TSG101: variants seen among roughly 807,000 people sequenced by gnomAD.
TSG101 encodes the protein tumor susceptibility 101.
In TSG101, 19 loss-of-function variants were observed where a neutral mutation model predicts 48.5. The ratio of observed to expected loss-of-function variants is 0.39; its 90% CI spans 0.27 to 0.58. The LOEUF is 0.58. Ranked by LOEUF, TSG101 falls within the 20% of genes least tolerant of loss-of-function variation. The pLI is 0.55. For missense variants in TSG101, 365 were observed against 484.4 expected (o/e 0.75, Z 2.31); for synonymous variants, 174 against 169.4 (o/e 1.03, Z -0.21).
At chr11:18,483,760 TATA>T (rs1849580639) in intron 8 of TSG101, 107 bp downstream of exon 8, 2 of 1,111,522 alleles carry the variant, frequency 1.8e-6, no homozygotes, top group Non-Finnish European at 2.6e-6. Context: ...TAAAGATGCC[TATA>T]ATTTTCTGAA....
intron 1 of TSG101, among the ~76,000 whole-genome samples, chr11:18,526,199 C>A (rs1850369983): frequency 6.6e-6 from 1 of 151,016 alleles, no homozygotes; most frequent in Non-Finnish European, 1.5e-5. Flanking sequence ...CAAATAAATA[C>A]GCGTTATAAG....
chr11:18,526,687 G>T, intron 1 of TSG101, 88 bp downstream of exon 1: 1 of 1,502,328 alleles, frequency 6.7e-7, no homozygotes, highest in Non-Finnish European at 9.0e-7. Context: ...CGTCTGGGAA[G>T]CTTGCTTGGC....
Position 18,480,616 on chromosome 11 carries a change from CG to C in TSG101, c.1102del (p.Arg368ValfsTer6). On this transcript the variant is annotated frameshift_variant, in exon 10 of 10. Transcript: ENST00000251968. LOFTEE classifies it high-confidence loss of function. The part of the protein sequence containing the change: ...VFLKHVRLLS[R>X]KQFQLRALMQ... ...TAGTGCCCTCAGCTGGAACTGTTTA[CG>C]GGACAGAAGACGTACATGCTGGGAG... 1 of 1,613,686 alleles carries C rather than the reference CG, an allele frequency of 6.2e-7. No individual in the cohort carries two copies. The highest frequency in any genetic ancestry group is 8.5e-7 in the Non-Finnish European group (1 of 1,179,828).
At chr11:18,513,466 T>C (rs921363702) in intron 4 of TSG101, among the ~76,000 whole-genome samples, 2 of 151,966 alleles carry the variant, frequency 1.3e-5, no homozygotes, top group South Asian at 4.1e-4. Context: ...AAGGTTTTTT[T>C]AAAATATTTT....
At chr11:18,519,802 C>G (rs1002973367) in intron 1 of TSG101, among the ~76,000 whole-genome samples, 199 bp from the exon 2 acceptor site, 1 of 152,156 alleles carries the variant, frequency 6.6e-6, no homozygotes, top group African/African-American at 2.4e-5. Context: ...AGTCTCAAGT[C>G]ATGTTTTTTA....
At position 18,526,833 on chromosome 11, in the gene TSG101, C is replaced by T; in HGVS notation, c.-17G>A. 1.3e-6 allele frequency: 2 copies of T among 1,599,540 alleles called. No individual in the cohort carries two copies. Among genetic ancestry groups the T allele is most frequent in the Non-Finnish European group, 1.7e-6 (2 of 1,178,458 alleles). ...CACCGCCATGACGGCCGCCTGGCGA[C>T]TCCCTTCCCCGCAGGCAGAGGGTCA... is the stretch of plus-strand genomic sequence containing the variant. On this transcript the variant is annotated 5_prime_UTR_variant, in exon 1 of 10. Coordinates refer to ENST00000251968, the MANE Select transcript of TSG101 (RefSeq NM_006292.4).
At chr11:18,504,653 T>C (rs1310274332) in intron 6 of TSG101, among the ~76,000 whole-genome samples, 2 of 152,210 alleles carry the variant, frequency 1.3e-5, no homozygotes, top group Admixed American at 6.5e-5. Context: ...TGTGATCACA[T>C]TGCTGAATTT....
chr11:18,513,208 G>A (rs931568760), intron 4 of TSG101, among the ~76,000 whole-genome samples: 7 of 151,836 alleles, frequency 4.6e-5, no homozygotes, highest in Admixed American at 2.6e-4. Flanking sequence ...TTTCAGAGGC[G>A]TTCTGCTTAG....
intron 5 of TSG101, chr11:18,508,694 C>T (rs575553472): frequency 6.6e-6 from 1 of 152,044 alleles, no homozygotes; most frequent in South Asian, 2.1e-4. Context: ...CTGTTAAATT[C>T]CCATTCAGCT....
intron 7 of TSG101, among the ~76,000 whole-genome samples, chr11:18,493,445 A>C (rs1393978476): frequency 6.6e-6 from 1 of 152,256 alleles, no homozygotes; most frequent in African/African-American, 2.4e-5. Flanking sequence ...ACTCAAATGA[A>C]GCTATTTTAT....
chr11:18,516,033 T>C, intron 3 of TSG101, 66 bp downstream of exon 3: 2 of 1,433,140 alleles, frequency 1.4e-6, no homozygotes, highest in East Asian at 4.6e-5. Context: ...TGGTTATAAC[T>C]CTTTGGCAAC....
chr11:18,485,659 C>A (rs1849609602), intron 7 of TSG101, among the ~76,000 whole-genome samples: 1 of 152,024 alleles, frequency 6.6e-6, no homozygotes, highest in Non-Finnish European at 1.5e-5. Context: ...TGGTATTAAA[C>A]CAAATGAAAG....
rs1290111886 is a variant in TSG101, at chr11:18,502,515, T to C, written c.611A>G (p.Tyr204Cys). 4 of 1,613,246 alleles carry C rather than the reference T, an allele frequency of 2.5e-6. No individual in the cohort carries two copies. ...AGTGGTCACAGGAGGCTGAGAAGGG[T>C]ACTGAGAACTTGTTGTGGCAGGATA... Reference protein sequence around the residue: ...GPYPATTSSQYPSQPPVTTVG... With the variant: ...GPYPATTSSQCPSQPPVTTVG... Residue 204 changes from tyrosine (Y) to cysteine (C), a missense_variant, in exon 7 of 10, where the codon TAC becomes TGC. Transcript: ENST00000251968.
chr11:18,487,124 T>TG (rs1849630652), intron 7 of TSG101, among the ~76,000 whole-genome samples: 1 of 72,670 alleles, frequency 1.4e-5, no homozygotes, highest in South Asian at 5.9e-4. Context: ...TGTTGTGGGG[T>TG]GGGGGGAGGG....
chr11:18,483,166 C>T (rs1269083490), intron 8 of TSG101, among the ~76,000 whole-genome samples: 1 of 152,036 alleles, frequency 6.6e-6, no homozygotes, highest in Non-Finnish European at 1.5e-5. Flanking sequence ...CCAGCTTTTG[C>T]TTCCTCCTCA....
intron 7 of TSG101, chr11:18,490,633 A>T (rs1206910360): frequency 6.5e-6 from 3 of 460,148 alleles, no homozygotes; most frequent in African/African-American, 2.0e-5. Flanking sequence ...ATGGTTGTAT[A>T]GAATTGAGAA....
intron 7 of TSG101, among the ~76,000 whole-genome samples, chr11:18,484,793 T>C (rs1397380649): frequency 6.6e-6 from 1 of 152,236 alleles, no homozygotes; most frequent in Non-Finnish European, 1.5e-5. Flanking sequence ...CTAATATAAG[T>C]TTGGGTATTC....
intron 7 of TSG101, among the ~76,000 whole-genome samples, chr11:18,486,770 A>T (rs562610313): frequency 6.6e-6 from 1 of 152,188 alleles, no homozygotes; most frequent in African/African-American, 2.4e-5. Context: ...ATTACTGGGT[A>T]TATACCCAAA....
chr11:18,500,467 C>T (rs1008090037), intron 7 of TSG101, among the ~76,000 whole-genome samples: 2 of 152,294 alleles, frequency 1.3e-5, no homozygotes, highest in South Asian at 4.2e-4. Context: ...CTTTTCTCCT[C>T]ATCCTCAATA....
Sources: allele counts gnomAD v4.1 joint callset (sites outside exome capture counted in the v4.1 genomes callset), GRCh38; gene constraint gnomAD v4.1.1; transcripts MANE v1.5; gene names NCBI Gene and HGNC (gene_info 2026-07-23, HGNC 2026-07-21).